The following ZNF83 variants were observed in gnomAD, a reference collection of about 807,000 sequenced individuals.
ZNF83 encodes the protein zinc finger protein 83.
For synonymous variants in ZNF83, 209 were observed against 213.0 expected (o/e 0.98, Z 0.17); for missense variants, 552 against 629.9 (o/e 0.88, Z 1.32).
exon 3 of ZNF83, chr19:52,614,469 T>C (rs762707048): frequency 1.2e-6 from 2 of 1,612,764 alleles, no homozygotes; most frequent in Non-Finnish European, 1.7e-6. Flanking sequence ...TCCCTTCAGC[T>C]TGAAATAGCT....
At chr19:52,649,998 C>G (rs1009773198) in intron 3 of ZNF83, among the ~76,000 whole-genome samples, 1 of 151,890 alleles carries the variant, frequency 6.6e-6, no homozygotes, top group Non-Finnish European at 1.5e-5. Context: ...AACTCAAAGA[C>G]AGGTAAAAAG....
intron 3 of ZNF83, chr19:52,652,070 C>G: frequency 4.2e-6 from 1 of 240,002 alleles, no homozygotes. Flanking sequence ...AAAGACATTG[C>G]CACACCTATT....
intron 2 of ZNF83, among the ~76,000 whole-genome samples, chr19:52,659,061 C>T (rs375067521): frequency 6.6e-6 from 1 of 152,120 alleles, no homozygotes; most frequent in African/African-American, 2.4e-5. Flanking sequence ...ACGTTTCATT[C>T]ATCCGTCTGG....
intron 1 of ZNF83, among the ~76,000 whole-genome samples, chr19:52,672,408 C>T (rs1199009291): frequency 2.0e-5 from 3 of 152,022 alleles, no homozygotes; most frequent in Non-Finnish European, 4.4e-5. Flanking sequence ...AATATGATTA[C>T]ATTTAGAAGG....
At chr19:52,690,470 G>C (rs2062136430) in exon 1 of ZNF83, 1 of 187,658 alleles carries the variant, frequency 5.3e-6, no homozygotes, top group Admixed American at 5.6e-5. Flanking sequence ...CACTCCACGC[G>C]ATCCGCTTCC....
intron 1 of ZNF83, among the ~76,000 whole-genome samples, chr19:52,664,721 AGGGT>A (rs903124159): frequency 6.5e-5 from 1 of 15,498 alleles, no homozygotes; most frequent in African/African-American, 2.8e-4. Context: ...GAGTGAGGCC[AGGGT>A]GGGGCATGAA....
chr19:52,615,912 C>T (rs1043483546), intron 2 of ZNF83, among the ~76,000 whole-genome samples: 3 of 152,194 alleles, frequency 2.0e-5, no homozygotes, highest in East Asian at 1.9e-4. Context: ...GACCTCGGCT[C>T]GCTGCAACCT....
rs180692084 is a variant in ZNF83 at position 52,671,907 on chromosome 19, C to T, written c.-282-11064G>A. 2.7e-3 allele frequency among the ~76,000 whole-genome samples: 408 copies of T among 152,126 alleles called. 3 individuals are homozygous for T. Among genetic ancestry groups the T allele is most frequent in the Non-Finnish European group, 4.0e-3 (274 of 68,000 alleles). Reference sequence around the variant, plus strand: ...AGAATACATTGCAGTCAAGTTATTCCGTTTTACTTGGGCCCTGAAAAAATA... The same window carrying T: ...AGAATACATTGCAGTCAAGTTATTCTGTTTTACTTGGGCCCTGAAAAAATA... On this transcript the variant is annotated intron_variant, in intron 1 of 5. Coordinates refer to the ZNF83 transcript ENST00000594682.
At chr19:52,666,516 A>T (rs564839276) in intron 1 of ZNF83, among the ~76,000 whole-genome samples, 1 of 151,844 alleles carries the variant, frequency 6.6e-6, no homozygotes, top group Non-Finnish European at 1.5e-5. Context: ...AATGCATTCA[A>T]TCTGTAGTGG....
At chr19:52,626,738 A>G (rs1375533368) in intron 2 of ZNF83, among the ~76,000 whole-genome samples, 1 of 152,090 alleles carries the variant, frequency 6.6e-6, no homozygotes, top group Non-Finnish European at 1.5e-5. Flanking sequence ...CTCATTATAA[A>G]ATTTTCCTTA....
intron 2 of ZNF83, among the ~76,000 whole-genome samples, chr19:52,627,608 A>G (rs554435198): frequency 1.3e-5 from 2 of 152,178 alleles, no homozygotes; most frequent in Non-Finnish European, 2.9e-5. Context: ...AGCTGAGATC[A>G]TACCAGTACT....
intron 1 of ZNF83, among the ~76,000 whole-genome samples, chr19:52,663,711 T>C (rs1469368545): frequency 6.6e-6 from 1 of 152,146 alleles, no homozygotes; most frequent in Non-Finnish European, 1.5e-5. Flanking sequence ...CAGTGCTCAA[T>C]CTAAACTGAA....
chr19:52,666,280 G>C (rs1183958322), intron 1 of ZNF83, among the ~76,000 whole-genome samples: 2 of 151,940 alleles, frequency 1.3e-5, no homozygotes, highest in Non-Finnish European at 1.5e-5. Flanking sequence ...AAAAGAGAGA[G>C]AGAGAGTAGT....
At chr19:52,688,909 A>G (rs1000894696) in intron 1 of ZNF83, among the ~76,000 whole-genome samples, 51 of 151,364 alleles carry the variant, frequency 3.4e-4, no homozygotes, top group African/African-American at 1.2e-3. Context: ...GTCTAAATGA[A>G]TGGGCTCCAG....
intron 3 of ZNF83, among the ~76,000 whole-genome samples, chr19:52,653,543 CTT>C (rs1167196976): frequency 6.6e-6 from 1 of 151,958 alleles, no homozygotes; most frequent in African/African-American, 2.4e-5. Flanking sequence ...CAACTGTAAA[CTT>C]TGTCACATCC....
chr19:52,666,739 C>T (rs8103148), intron 1 of ZNF83, among the ~76,000 whole-genome samples: 11,993 of 152,008 alleles, frequency 0.079, 1,571 homozygotes, highest in African/African-American at 0.27. Flanking sequence ...TCCATTAACC[C>T]AGCAGGTTTT....
intron 3 of ZNF83, chr19:52,655,397 C>CT: frequency 1.4e-6 from 1 of 694,060 alleles, no homozygotes; most frequent in Non-Finnish European, 2.4e-6. Flanking sequence ...AGGATAGTCT[C>CT]TAAGAAGCTG....
intron 2 of ZNF83, among the ~76,000 whole-genome samples, chr19:52,631,350 C>T (rs905738616): frequency 2.5e-4 from 38 of 152,168 alleles, no homozygotes; most frequent in African/African-American, 4.8e-4. Context: ...AGAGCCAGAA[C>T]GGCACCCTGT....
chr19:52,624,579 G>A (rs34365925), intron 2 of ZNF83, among the ~76,000 whole-genome samples: 34,496 of 152,038 alleles, frequency 0.23, 3,946 homozygotes, highest in South Asian at 0.28. Context: ...AGACAGCTCT[G>A]GAGACTGCTC....
Sources: gnomAD v4.1 joint callset for allele counts (sites outside exome capture counted in the v4.1 genomes callset) on GRCh38, gnomAD v4.1.1 for gene constraint, MANE v1.5 for transcripts, NCBI Gene and HGNC (gene_info 2026-07-23, HGNC 2026-07-21) for gene names.